Variants in SLCO4A1 observed in about 807,000 individuals in gnomAD.
SLCO4A1 encodes solute carrier organic anion transporter family member 4A1, also known as colon organic anion transporter.
Under a neutral mutation model 64.6 loss-of-function variants are expected in SLCO4A1, and 51 were observed. The observed-to-expected ratio is 0.79, with a 90% confidence interval of 0.63 to 1.00. The LOEUF is 1.00. SLCO4A1 is among the 50% of genes least tolerant of loss of function. SLCO4A1 has a pLI of 0.00. For synonymous variants in SLCO4A1, 471 were observed against 444.9 expected (o/e 1.06, Z -0.74); for missense variants, 919 against 980.5 (o/e 0.94, Z 0.84).
At chr20:62,682,832 C>A (rs185039780) in intron 2 of SLCO4A1, among the ~76,000 whole-genome samples, 10 of 152,350 alleles carry the variant, frequency 6.6e-5, no homozygotes, top group Admixed American at 3.9e-4. Context: ...CATACAGGGA[C>A]CCCCATCATA....
chr20:62,659,699 C>A (rs1345688710), intron 3 of SLCO4A1, among the ~76,000 whole-genome samples: 1 of 152,240 alleles, frequency 6.6e-6, no homozygotes, highest in Non-Finnish European at 1.5e-5. Context: ...CAAGCAGGTG[C>A]CGCCTGGCTG....
chr20:62,669,611 G>A (rs1986956705), intron 11 of SLCO4A1, among the ~76,000 whole-genome samples: 2 of 152,178 alleles, frequency 1.3e-5, no homozygotes, highest in South Asian at 4.1e-4. Flanking sequence ...ATGCTACCTG[G>A]GAGGAAACGC....
chr20:62,680,762 C>A (rs577882410), intron 2 of SLCO4A1, among the ~76,000 whole-genome samples: 29 of 152,248 alleles, frequency 1.9e-4, no homozygotes, highest in African/African-American at 6.7e-4. Flanking sequence ...TTGCTGGATT[C>A]AATTTGCTGG....
chr20:62,645,830 T>C lies in SLCO4A1; in HGVS notation c.-97+3277T>C, dbSNP rs1412075517. Among the ~76,000 whole-genome samples the C allele has an allele frequency of 6.6e-6, 1 of 151,710 alleles. No homozygotes were observed. Among genetic ancestry groups the C allele is most frequent in the Non-Finnish European group, 1.5e-5 (1 of 67,906 alleles). On this transcript the variant is annotated intron_variant, in intron 1 of 11. Transcript: ENST00000217159. This position sits in a 1 kb window ranked among gnomAD's most constrained non-coding sequence, Gnocchi z 4.2. The stretch of plus-strand genomic sequence containing the variant: ...CGGACCTTGCCTTTTCTTGGTGGTT[T>C]TTCTAATCTGGCAAGCCTTGGGGGG...
At chr20:62,655,233 C>G (rs928186468) in intron 1 of SLCO4A1, among the ~76,000 whole-genome samples, 8 of 145,542 alleles carry the variant, frequency 5.5e-5, no homozygotes, top group Non-Finnish European at 1.1e-4. Flanking sequence ...ACAGCAGCCC[C>G]GGGAAGGACC....
In SLCO4A1 at chr20:62,652,883, A is replaced by G. The variant is rs73319423; in HGVS notation, c.-96-3476A>G. Among the ~76,000 whole-genome samples, 600 of 152,322 alleles carry G rather than the reference A, an allele frequency of 3.9e-3. 2 individuals are homozygous for G. The highest frequency in any genetic ancestry group is 0.013 in the African/African-American group (528 of 41,570). ...AACAGCGGCTGCACGTGAGTGCCACACGAGCGTGCACGGCTCTTTCAGTAG... is the reference window on the plus strand; with the variant it reads ...AACAGCGGCTGCACGTGAGTGCCACGCGAGCGTGCACGGCTCTTTCAGTAG... On this transcript the variant is annotated intron_variant, in intron 1 of 11. Coordinates refer to ENST00000217159, the MANE Select transcript of SLCO4A1 (RefSeq NM_016354.4).
chr20:62,671,269 G>A (rs948953293), intron 11 of SLCO4A1, among the ~76,000 whole-genome samples: 1 of 152,214 alleles, frequency 6.6e-6, no homozygotes, highest in Non-Finnish European at 1.5e-5. Context: ...GCTTGCAGGT[G>A]GGGGCAGGGC....
Position 62,672,208 on chromosome 20 carries a change from G to T in SLCO4A1, c.*315G>T, listed in dbSNP as rs115716510. On this transcript the variant is annotated 3_prime_UTR_variant, in exon 12 of 12. Coordinates refer to ENST00000217159, the MANE Select transcript of SLCO4A1 (RefSeq NM_016354.4). The stretch of plus-strand genomic sequence containing the variant: ...GCAGGGGCTGTGAATCCCACTGGGA[G>T]GGCGGTGGGCCTGCAGCCTGAGGAA... 7.2e-4 allele frequency: 939 copies of T among 1,295,236 alleles called. 17 individuals carry two copies. The African/African-American group carries it at 0.013, about 18-fold the overall frequency. The allele number at this position is 1,295,236 out of a possible 1,614,324, so 80.2% of individuals were successfully genotyped here.
chr20:62,683,882 C>T (rs1011170156), intron 2 of SLCO4A1, among the ~76,000 whole-genome samples: 4 of 151,864 alleles, frequency 2.6e-5, no homozygotes, highest in African/African-American at 9.7e-5. Context: ...AAAGATCTCA[C>T]GTGACCACGC....
chr20:62,667,469 A>G, intron 7 of SLCO4A1: 1 of 465,370 alleles, frequency 2.1e-6, no homozygotes, highest in Non-Finnish European at 3.8e-6. Flanking sequence ...TGCCTGTCCA[A>G]AAACAAATGA....
rs1348556600 is a variant in SLCO4A1 at position 62,644,832 on chromosome 20, A to G, written c.-97+2279A>G. On this transcript the variant is annotated intron_variant, in intron 1 of 11. Coordinates refer to ENST00000217159, the MANE Select transcript of SLCO4A1 (RefSeq NM_016354.4). The surrounding 1 kb of genome is among the most constrained non-coding windows in gnomAD (Gnocchi z 5.4). The stretch of plus-strand genomic sequence containing the variant: ...GGTGCTCTCCCCAGCAGATGGTTGT[A>G]GGTGGTCAGAGATGAGCCACAGAAA... 6.6e-6 allele frequency among the ~76,000 whole-genome samples: 1 copy of G among 152,192 alleles called. No homozygotes were observed. The highest frequency in any genetic ancestry group is 2.4e-5 in the African/African-American group (1 of 41,430).
chr20:62,685,451 A>G lies in SLCO4A1; in HGVS notation n.222A>G. The G allele has an allele frequency of 1.0e-6, 1 of 985,266 alleles. No homozygotes were observed. Among genetic ancestry groups the G allele is most frequent in the African/African-American group, 1.7e-5 (1 of 57,346 alleles). The allele number at this position is 985,266 out of a possible 1,614,324, so 61.0% of individuals were successfully genotyped here. ...TGTTTTTTTCTTAAGGAAGAAGAGA[A>G]TGAATTTAGAAGGCTGTAAACCCCA... On this transcript the variant is annotated non_coding_transcript_exon_variant, in exon 3 of 3. Coordinates refer to the SLCO4A1 transcript ENST00000466818. The surrounding 1 kb of genome is among the most constrained non-coding windows in gnomAD (Gnocchi z 4.6).
At chr20:62,688,431 C>T (rs1016141323), downstream of SLCO4A1, among the ~76,000 whole-genome samples, 1 of 152,222 alleles carries the variant, frequency 6.6e-6, no homozygotes, top group Non-Finnish European at 1.5e-5. Context: ...ACCCCAACCC[C>T]GCTCACCTGT....
In SLCO4A1 at chr20:62,656,769, C is replaced by T. The variant is rs1983807491; in HGVS notation, c.315C>T (p.Ile105=). Residue 105 remains isoleucine, a synonymous_variant, in exon 2 of 12, where the codon ATC becomes ATT. Transcript: ENST00000217159. ...AGGTCCTCAACACGCCCAAGGGCAT[C>T]CTGTTCTTCCTGTGTGCGGCCGCAT... ...CLQVLNTPKG[I]LFFLCAAAFL... The T allele has an allele frequency of 1.2e-6, 2 of 1,612,636 alleles. No homozygotes were observed. The highest frequency in any genetic ancestry group is 1.7e-6 in the Non-Finnish European group (2 of 1,179,860).
chr20:62,644,834 G>A lies in SLCO4A1; in HGVS notation c.-97+2281G>A, dbSNP rs1981029284. ...TGCTCTCCCCAGCAGATGGTTGTAG[G>A]TGGTCAGAGATGAGCCACAGAAAAG... is the stretch of plus-strand genomic sequence containing the variant. On this transcript the variant is annotated intron_variant, in intron 1 of 11. Transcript: ENST00000217159. This position sits in a 1 kb window ranked among gnomAD's most constrained non-coding sequence, Gnocchi z 5.4. 6.6e-6 allele frequency among the ~76,000 whole-genome samples: 1 copy of A among 152,234 alleles called. No individual in the cohort carries two copies. The highest frequency in any genetic ancestry group is 2.4e-5 in the African/African-American group (1 of 41,448).
At chr20:62,646,264 G>A (rs1486935732) in intron 1 of SLCO4A1, among the ~76,000 whole-genome samples, 1 of 152,138 alleles carries the variant, frequency 6.6e-6, no homozygotes, top group Non-Finnish European at 1.5e-5. Context: ...GAGGTCCTGG[G>A]CATCCCCTGC....
At chr20:62,683,343 T>C (rs1987919740) in intron 2 of SLCO4A1, among the ~76,000 whole-genome samples, 2 of 152,174 alleles carry the variant, frequency 1.3e-5, no homozygotes, top group African/African-American at 4.8e-5. Context: ...AGCCGCTCGC[T>C]GCTGGCCATG....
chr20:62,686,850 C>T (rs1274671963), downstream of SLCO4A1, among the ~76,000 whole-genome samples: 1 of 151,962 alleles, frequency 6.6e-6, no homozygotes, highest in Admixed American at 6.5e-5. Flanking sequence ...CGAACAGGCA[C>T]GATGGGTAGG....
chr20:62,690,371 C>T (rs112570194), downstream of SLCO4A1, among the ~76,000 whole-genome samples: 3,307 of 152,210 alleles, frequency 0.022, 105 homozygotes, highest in African/African-American at 0.073. Flanking sequence ...ACAAGGTCAC[C>T]ATAGGCTCTG....
Sources: gnomAD v4.1 joint callset for allele counts (sites outside exome capture counted in the v4.1 genomes callset) on GRCh38, gnomAD v4.1.1 for gene constraint, Gnocchi (gnomAD v3.1) non-coding constraint, MANE v1.5 for transcripts, NCBI Gene and HGNC (gene_info 2026-07-23, HGNC 2026-07-21) for gene names.